Variants in LARGE1 observed in about 807,000 individuals in gnomAD.
The protein encoded by LARGE1 is xylosyl- and glucuronyltransferase LARGE1.
In LARGE1, 43 loss-of-function variants were observed where a neutral mutation model predicts 87.6. The ratio of observed to expected loss-of-function variants is 0.49; its 90% CI spans 0.38 to 0.63. The LOEUF is 0.63. Ranked by LOEUF, LARGE1 falls within the 30% of genes least tolerant of loss-of-function variation. LARGE1 has a pLI of 0.00. For missense variants in LARGE1, 802 were observed against 1,000.2 expected (o/e 0.80, Z 2.67); for synonymous variants, 434 against 394.6 (o/e 1.10, Z -1.18).
intron 7 of LARGE1, among the ~76,000 whole-genome samples, chr22:33,408,182 G>C (rs934816168): frequency 6.6e-6 from 1 of 151,870 alleles, no homozygotes; most frequent in Non-Finnish European, 1.5e-5. Context: ...ACGGGGTTTT[G>C]CCATGTTGGC....
Position 33,840,819 on chromosome 22 carries a change from C to T in LARGE1, c.-83+79176G>A, listed in dbSNP as rs147469312. On this transcript the variant is annotated intron_variant, in intron 1 of 14. Coordinates refer to ENST00000397394, the MANE Select transcript of LARGE1 (RefSeq NM_133642.5). ...TCTAGTTTTTATACAGACAAGGTTTCGTCACGTTGCCCAGGCTGGTCTCGA... is the reference window on the plus strand; with the variant it reads ...TCTAGTTTTTATACAGACAAGGTTTTGTCACGTTGCCCAGGCTGGTCTCGA... 3.0e-4 allele frequency among the ~76,000 whole-genome samples: 46 copies of T among 152,232 alleles called. No homozygotes were observed. The East Asian group carries it at 8.3e-3, about 27-fold the overall frequency.
At chr22:33,678,106 G>A (rs901805054) in intron 2 of LARGE1, among the ~76,000 whole-genome samples, 6 of 152,150 alleles carry the variant, frequency 3.9e-5, no homozygotes, top group Non-Finnish European at 5.9e-5. Flanking sequence ...GAAGTGGGAC[G>A]TATTTACTCA....
chr22:33,421,758 C>T (rs1230867190), intron 7 of LARGE1, among the ~76,000 whole-genome samples: 2 of 152,188 alleles, frequency 1.3e-5, no homozygotes, highest in Non-Finnish European at 2.9e-5. Context: ...ATAGGAATTC[C>T]TGAGGAAACC....
At chr22:33,073,414 T>A in the LARGE1 span, among the ~76,000 whole-genome samples, 1 of 152,146 alleles carries the variant, frequency 6.6e-6, no homozygotes, top group Non-Finnish European at 1.5e-5. Flanking sequence ...AATCTACCAA[T>A]CAAAAGGAAT....
intron 2 of LARGE1, among the ~76,000 whole-genome samples, chr22:33,668,815 T>G (rs1488426884): frequency 1.3e-5 from 2 of 152,232 alleles, no homozygotes; most frequent in African/African-American, 4.8e-5. Flanking sequence ...TGAACCTGCT[T>G]TTAGTATACA....
the LARGE1 span, chr22:33,108,533 C>G: frequency 6.6e-6 from 1 of 152,078 alleles, no homozygotes; most frequent in African/African-American, 2.4e-5. Flanking sequence ...AGCCTCATCC[C>G]TGTGCACGGT....
chr22:33,636,528 TA>T (rs2080272067), intron 3 of LARGE1, among the ~76,000 whole-genome samples: 2 of 152,170 alleles, frequency 1.3e-5, no homozygotes, highest in African/African-American at 2.4e-5. Flanking sequence ...AGAGGAGTAA[TA>T]AATGTGTCAA....
In LARGE1 at chr22:33,319,142, A is replaced by G. The variant is rs114939106; in HGVS notation, c.1288-2894T>C. On this transcript the variant is annotated intron_variant, in intron 10 of 14. Transcript: ENST00000397394. ...TTGTCCTTTGCAGTGGTGCTTACTA[A>G]AGCGGCACAGTTTATTTCTCTAGCC... is the stretch of plus-strand genomic sequence containing the variant. Among the ~76,000 whole-genome samples the G allele has an allele frequency of 9.4e-3, 1,438 of 152,272 alleles. 19 individuals carry two copies. Among genetic ancestry groups the G allele is most frequent in the African/African-American group, 0.033 (1,352 of 41,544 alleles).
At chr22:33,547,314 A>G (rs1462624121) in intron 6 of LARGE1, among the ~76,000 whole-genome samples, 1 of 152,030 alleles carries the variant, frequency 6.6e-6, no homozygotes, top group Non-Finnish European at 1.5e-5. Flanking sequence ...CATAAGGTGC[A>G]TGCAACCTAG....
At chr22:33,709,832 A>G (rs1265008569) in intron 2 of LARGE1, among the ~76,000 whole-genome samples, 2 of 151,760 alleles carry the variant, frequency 1.3e-5, no homozygotes, top group Non-Finnish European at 2.9e-5. Flanking sequence ...TTGCCATGTT[A>G]GCCAGGCTGG....
chr22:33,466,961 G>C (rs1009738064), intron 6 of LARGE1, among the ~76,000 whole-genome samples: 2 of 152,150 alleles, frequency 1.3e-5, no homozygotes, highest in East Asian at 3.8e-4. Context: ...AGAATCACTT[G>C]AATCTGGGAG....
At chr22:33,090,030 AC>A in the LARGE1 span, among the ~76,000 whole-genome samples, 22 of 152,010 alleles carry the variant, frequency 1.4e-4, no homozygotes, top group Non-Finnish European at 2.9e-4. Context: ...TGGTGGTGAA[AC>A]CCCATCTCTA....
chr22:33,821,199 T>G (rs2086803853), intron 1 of LARGE1, among the ~76,000 whole-genome samples: 2 of 152,130 alleles, frequency 1.3e-5, no homozygotes, highest in African/African-American at 4.8e-5. Flanking sequence ...GAATCCCAGC[T>G]TCACCCACAA....
intron 1 of LARGE1, among the ~76,000 whole-genome samples, chr22:33,788,284 G>A (rs984445537): frequency 1.3e-5 from 2 of 152,154 alleles, no homozygotes; most frequent in Non-Finnish European, 2.9e-5. Flanking sequence ...CATGTAAGAC[G>A]TGCCTTTGCT....
At chr22:33,181,320 GATA>G (rs1923148573) in intron 11 of LARGE1, among the ~76,000 whole-genome samples, 1 of 152,004 alleles carries the variant, frequency 6.6e-6, no homozygotes, top group South Asian at 2.1e-4. Context: ...CTGTATACAT[GATA>G]ATATTCTATT....
At chr22:33,085,353 G>T in the LARGE1 span, among the ~76,000 whole-genome samples, 1 of 152,200 alleles carries the variant, frequency 6.6e-6, no homozygotes, top group African/African-American at 2.4e-5. Context: ...TCTAAAAACA[G>T]AATGGAATAT....
chr22:33,262,020 C>A (rs1309895439), intron 11 of LARGE1, among the ~76,000 whole-genome samples: 1 of 152,232 alleles, frequency 6.6e-6, no homozygotes, highest in African/African-American at 2.4e-5. Context: ...AGTTCTCTAG[C>A]AAACGATGCC....
intron 2 of LARGE1, among the ~76,000 whole-genome samples, chr22:33,699,573 T>G (rs1394092637): frequency 6.6e-6 from 1 of 152,210 alleles, no homozygotes; most frequent in African/African-American, 2.4e-5. Flanking sequence ...GAGATGACAC[T>G]GAGTTGAAAA....
chr22:33,726,702 A>G (rs1313682977), intron 2 of LARGE1, among the ~76,000 whole-genome samples: 1 of 152,184 alleles, frequency 6.6e-6, no homozygotes, highest in Admixed American at 6.5e-5. Flanking sequence ...TGTATTTGTG[A>G]AGCTTCCATT....
Sources: allele counts gnomAD v4.1 joint callset (sites outside exome capture counted in the v4.1 genomes callset), GRCh38; gene constraint gnomAD v4.1.1; transcripts MANE v1.5; gene names NCBI Gene and HGNC (gene_info 2026-07-23, HGNC 2026-07-21).